RARB: variants seen among roughly 807,000 people sequenced by gnomAD.
The protein encoded by RARB is HBV-activated protein.
In RARB, 17 loss-of-function variants were observed where a neutral mutation model predicts 51.9. The ratio of observed to expected loss-of-function variants is 0.33; its 90% CI spans 0.22 to 0.49. The LOEUF is 0.49. RARB is among the 20% of genes least tolerant of loss of function. The pLI is 0.99. For synonymous variants in RARB, 215 were observed against 195.4 expected, an observed-to-expected ratio of 1.10 and a Z score of -0.84; for missense variants, 369 against 550.8, an observed-to-expected ratio of 0.67 and a Z score of 3.30.
chr3:25,443,294 GA>G (rs1194660739), intron 1 of RARB, among the ~76,000 whole-genome samples: 12 of 152,092 alleles, frequency 7.9e-5, no homozygotes, highest in African/African-American at 2.9e-4. Flanking sequence ...AAACTGGCCT[GA>G]AAACATGAGA....
At chr3:24,973,276 G>T (rs148010434) in intron 2 of RARB, among the ~76,000 whole-genome samples, 1 of 152,012 alleles carries the variant, frequency 6.6e-6, no homozygotes, top group Non-Finnish European at 1.5e-5. Flanking sequence ...TCAAAACTGA[G>T]TTGGCTGTAA....
chr3:25,433,284 A>T (rs576943256), intron 1 of RARB, among the ~76,000 whole-genome samples: 23 of 6,030 alleles, frequency 3.8e-3, no homozygotes, highest in African/African-American at 0.014. Flanking sequence ...TAATATTACA[A>T]CATCTCCTAG....
intron 2 of RARB, among the ~76,000 whole-genome samples, chr3:25,041,367 T>A (rs1326966861): frequency 6.6e-6 from 1 of 152,170 alleles, no homozygotes; most frequent in Non-Finnish European, 1.5e-5. Context: ...AATATTCGAA[T>A]CCATCTTTAA....
intron 5 of RARB, among the ~76,000 whole-genome samples, chr3:25,291,065 A>G (rs990089253): frequency 1.3e-5 from 2 of 152,158 alleles, no homozygotes; most frequent in African/African-American, 4.8e-5. Context: ...ACTTGGGCAA[A>G]TCTTTCTGAA....
intron 4 of RARB, among the ~76,000 whole-genome samples, chr3:25,579,236 T>C (rs1559477118): frequency 6.6e-6 from 1 of 152,230 alleles, no homozygotes; most frequent in South Asian, 2.1e-4. Context: ...TTTTACATAA[T>C]GTAATTTTTA....
At chr3:25,023,887 G>T (rs1203121214) in intron 2 of RARB, among the ~76,000 whole-genome samples, 1 of 152,168 alleles carries the variant, frequency 6.6e-6, no homozygotes. Context: ...TGTTTGGGGA[G>T]GTGGGTAGAG....
intron 5 of RARB, among the ~76,000 whole-genome samples, chr3:25,193,883 A>G (rs1170919074): frequency 7.4e-6 from 1 of 136,024 alleles, no homozygotes; most frequent in Non-Finnish European, 1.6e-5. Flanking sequence ...ATACCAATAA[A>G]TATTCAAAAT....
At chr3:24,979,466 G>A (rs1054838327) in intron 2 of RARB, among the ~76,000 whole-genome samples, 1 of 152,030 alleles carries the variant, frequency 6.6e-6, no homozygotes, top group Non-Finnish European at 1.5e-5. Flanking sequence ...TCTTCTTGTT[G>A]GATTGATCCC....
chr3:25,148,333 T>C (rs1489213342), intron 4 of RARB, among the ~76,000 whole-genome samples: 1 of 152,242 alleles, frequency 6.6e-6, no homozygotes, highest in African/African-American at 2.4e-5. Context: ...ACATATGTGT[T>C]GGTGAACATG....
chr3:25,590,334 C>A (rs995920861), intron 5 of RARB, among the ~76,000 whole-genome samples: 1 of 152,174 alleles, frequency 6.6e-6, no homozygotes, highest in African/African-American at 2.4e-5. Flanking sequence ...TGTCCTAAAT[C>A]CTGGTCTTTT....
At chr3:24,909,023 A>G (rs889576043) in intron 2 of RARB, among the ~76,000 whole-genome samples, 5 of 152,162 alleles carry the variant, frequency 3.3e-5, no homozygotes, top group African/African-American at 7.2e-5. Flanking sequence ...CTCTCCCGTT[A>G]TATAACACAT....
At chr3:25,238,788 G>A (rs1372093387) in intron 5 of RARB, among the ~76,000 whole-genome samples, 1 of 152,100 alleles carries the variant, frequency 6.6e-6, no homozygotes, top group Non-Finnish European at 1.5e-5. Flanking sequence ...AGACCAGCCT[G>A]GCCAACACAG....
intron 2 of RARB, among the ~76,000 whole-genome samples, chr3:24,929,294 G>A (rs1695391662): frequency 6.6e-6 from 1 of 152,068 alleles, no homozygotes; most frequent in Non-Finnish European, 1.5e-5. Flanking sequence ...TTAGAAGTTA[G>A]AGTGCATAGT....
chr3:25,126,590 A>G (rs368865109), intron 3 of RARB, among the ~76,000 whole-genome samples: 11 of 152,262 alleles, frequency 7.2e-5, no homozygotes, highest in African/African-American at 2.2e-4. Flanking sequence ...GCAGATTCTG[A>G]TTCAATGGGT....
At chr3:25,524,046 C>A (rs1294791087) in intron 3 of RARB, among the ~76,000 whole-genome samples, 1 of 152,198 alleles carries the variant, frequency 6.6e-6, no homozygotes, top group Non-Finnish European at 1.5e-5. Context: ...ACTGCTGTGA[C>A]CTCGATATAC....
chr3:25,146,492 G>GTTTTTTTTTTTTTT (rs751190061), intron 4 of RARB, among the ~76,000 whole-genome samples: 4 of 126,258 alleles, frequency 3.2e-5, no homozygotes, highest in South Asian at 2.4e-4. Flanking sequence ...AATTTGCTAA[G>GTTTTTTTTTTTTTT]TTTTTTGTTT....
chr3:25,375,662 T>C (rs1706439115), intron 5 of RARB, among the ~76,000 whole-genome samples: 1 of 152,312 alleles, frequency 6.6e-6, no homozygotes, highest in South Asian at 2.1e-4. Flanking sequence ...TCCATAGCTA[T>C]CAGTTGAAAA....
rs372678249 is a variant in RARB at position 25,415,094 on chromosome 3, G to A, written c.179-46099G>A. Among the ~76,000 whole-genome samples, 12 of 152,134 alleles carry A rather than the reference G, an allele frequency of 7.9e-5. 1 individual carries two copies. Among genetic ancestry groups the A allele is most frequent in the African/African-American group, 2.2e-4 (9 of 41,528 alleles). ...CGACCTCAGGTGATCTACCTGCCTC[G>A]GCCTCCCAAAGTGCTGGGATTGCGC... On this transcript the variant is annotated intron_variant, in intron 5 of 11. Transcript: ENST00000383772.
intron 2 of RARB, among the ~76,000 whole-genome samples, chr3:25,041,699 T>C (rs774828928): frequency 6.6e-6 from 1 of 152,140 alleles, no homozygotes; most frequent in Non-Finnish European, 1.5e-5. Flanking sequence ...GAACACAGAT[T>C]GTGCCTTATA....
Sources: gnomAD v4.1 joint callset for allele counts (sites outside exome capture counted in the v4.1 genomes callset) on GRCh38, gnomAD v4.1.1 for gene constraint, MANE v1.5 for transcripts, NCBI Gene and HGNC (gene_info 2026-07-23, HGNC 2026-07-21) for gene names.